TBCK: variants seen among roughly 807,000 people sequenced by gnomAD.
TBCK encodes TBC1 domain containing kinase, also known as TBC domain-containing protein kinase-like protein.
TBCK carries 99 observed loss-of-function variants against 113.4 expected under a neutral mutation model. That is an observed-to-expected ratio of 0.87 (90% CI 0.74 to 1.03). TBCK has a LOEUF of 1.03. TBCK is among the 50% of genes least tolerant of loss of function. The probability of loss-of-function intolerance (pLI) is 0.00; values close to 1 mark genes in which losing one functional copy is unlikely to be tolerated. For missense variants in TBCK, 1,045 were observed against 1,061.3 expected (o/e 0.98, Z 0.21); for synonymous variants, 369 against 370.8 (o/e 1.00, Z 0.05).
At chr4:106,275,417 T>G (rs1268002871) in intron 3 of TBCK, among the ~76,000 whole-genome samples, 12 of 152,000 alleles carry the variant, frequency 7.9e-5, no homozygotes, top group Admixed American at 7.9e-4. Context: ...GTAGTGGAGG[T>G]CCTATCTAGT....
At chr4:106,122,473 T>A (rs1744547314) in intron 23 of TBCK, among the ~76,000 whole-genome samples, 1 of 152,106 alleles carries the variant, frequency 6.6e-6, no homozygotes, top group Admixed American at 6.6e-5. Context: ...CCATTCCTTC[T>A]GAAACTATTC....
At chr4:106,276,713 A>G (rs913407909) in intron 3 of TBCK, among the ~76,000 whole-genome samples, 2 of 152,188 alleles carry the variant, frequency 1.3e-5, no homozygotes, top group African/African-American at 4.8e-5. Flanking sequence ...GCCAACCAAC[A>G]TGATGAAACC....
chr4:106,112,328 C>T (rs960970209), intron 24 of TBCK, among the ~76,000 whole-genome samples: 8 of 152,142 alleles, frequency 5.3e-5, no homozygotes, highest in African/African-American at 1.9e-4. Flanking sequence ...ATAGAGCATG[C>T]CCTTCCTGCT....
At chr4:106,246,064 G>A (rs1406277428) in intron 10 of TBCK, among the ~76,000 whole-genome samples, 3 of 152,162 alleles carry the variant, frequency 2.0e-5, no homozygotes, top group Admixed American at 1.3e-4. Flanking sequence ...AACACAAATT[G>A]TTCCTTCCCT....
chr4:106,277,830 T>G (rs1764180184), intron 3 of TBCK, among the ~76,000 whole-genome samples: 1 of 152,208 alleles, frequency 6.6e-6, no homozygotes. Flanking sequence ...AAAAAGTTTG[T>G]GTACTTCACC....
In TBCK at chr4:106,304,251, C is replaced by T. The variant is rs529718125; in HGVS notation, c.193+4517G>A. Among the ~76,000 whole-genome samples the T allele has an allele frequency of 2.5e-4, 38 of 152,204 alleles. No homozygotes were observed. The South Asian group carries it at 7.7e-3, about 31-fold the overall frequency. ...ATGAACCTCTTCATTCTTCAGTGTA[C>T]CTCCCTCACACAAAAAAAGGTGGGG... On this transcript the variant is annotated intron_variant, in intron 2 of 25. Transcript: ENST00000394708.
intron 23 of TBCK, among the ~76,000 whole-genome samples, chr4:106,158,162 T>G (rs540334255): frequency 1.3e-5 from 2 of 152,266 alleles, no homozygotes; most frequent in East Asian, 1.9e-4. Flanking sequence ...ATAAGAGTCT[T>G]GGTAAACATT....
Position 106,141,916 on chromosome 4 carries a change from A to G in TBCK, c.2236-25538T>C, listed in dbSNP as rs775987796. 2.1e-5 allele frequency among the ~76,000 whole-genome samples: 3 copies of G among 141,434 alleles called. 1 individual carries two copies. Among genetic ancestry groups the G allele is most frequent in the Non-Finnish European group, 4.8e-5 (3 of 62,278 alleles). 92.8% of individuals were successfully genotyped at this position (141,434 alleles called of 152,430 possible). Reference sequence around the variant, plus strand: ...AAACACAGCACCAAACACATGGTATAATTATAATCTTAACTCTTGGTACTA... The same window carrying G: ...AAACACAGCACCAAACACATGGTATGATTATAATCTTAACTCTTGGTACTA... On this transcript the variant is annotated intron_variant, in intron 23 of 25. Transcript: ENST00000394708.
chr4:106,259,697 A>C (rs1209996178), intron 5 of TBCK, among the ~76,000 whole-genome samples: 2 of 151,990 alleles, frequency 1.3e-5, no homozygotes, highest in African/African-American at 4.8e-5. Context: ...GGAGAAACTG[A>C]TGAAGGGTAG....
rs565003742 is a variant in TBCK, at chr4:106,088,867, G to A, written c.2571+6615C>T. The stretch of plus-strand genomic sequence containing the variant: ...ACCGCATGTTCTCGCTCACAAATGC[G>A]AGTTGAACATTGAGAACACATGGAC... On this transcript the variant is annotated intron_variant, in intron 25 of 25. Transcript: ENST00000394708. Among the ~76,000 whole-genome samples, 88 of 152,260 alleles carry A rather than the reference G, an allele frequency of 5.8e-4. 1 individual carries two copies. The highest frequency in any genetic ancestry group is 1.7e-3 in the African/African-American group (71 of 41,550).
chr4:106,233,139 A>T, intron 16 of TBCK, 75 bp from the exon 17 acceptor site: 1 of 1,322,668 alleles, frequency 7.6e-7, no homozygotes, highest in Non-Finnish European at 1.0e-6. Context: ...CTTGTTCATT[A>T]AATAAGGAAA....
chr4:106,133,997 T>C (rs190085888), intron 23 of TBCK, among the ~76,000 whole-genome samples: 3 of 150,356 alleles, frequency 2.0e-5, no homozygotes, highest in Non-Finnish European at 4.4e-5. Flanking sequence ...GCAACAAGAG[T>C]GAGATTCCGT....
chr4:106,188,299 G>A (rs1212952151), intron 22 of TBCK, among the ~76,000 whole-genome samples: 1 of 152,128 alleles, frequency 6.6e-6, no homozygotes. Context: ...TCTATCAGCA[G>A]TATATGTAGG....
chr4:106,222,180 T>C (rs570080762), intron 19 of TBCK, among the ~76,000 whole-genome samples: 1 of 152,066 alleles, frequency 6.6e-6, no homozygotes, highest in Non-Finnish European at 1.5e-5. Context: ...TAATATAAAT[T>C]TTCTTCATTT....
chr4:106,159,483 AC>A (rs1354773599), intron 23 of TBCK, among the ~76,000 whole-genome samples: 1 of 152,126 alleles, frequency 6.6e-6, no homozygotes, highest in African/African-American at 2.4e-5. Context: ...ATTTCTATAT[AC>A]TAACAATGAA....
chr4:106,226,811 A>G (rs1758298381), intron 19 of TBCK, among the ~76,000 whole-genome samples: 1 of 152,162 alleles, frequency 6.6e-6, no homozygotes, highest in African/African-American at 2.4e-5. Context: ...GAAAGAGTAC[A>G]CTATCAATTC....
chr4:106,192,640 A>G (rs565741950), intron 22 of TBCK, among the ~76,000 whole-genome samples: 1 of 152,258 alleles, frequency 6.6e-6, no homozygotes, highest in East Asian at 1.9e-4. Context: ...TTATTTTCCC[A>G]CAAATGATAA....
intron 1 of TBCK, among the ~76,000 whole-genome samples, chr4:106,312,468 GA>G: frequency 6.6e-6 from 1 of 152,216 alleles, no homozygotes; most frequent in African/African-American, 2.4e-5. Flanking sequence ...CAAGTGTTGA[GA>G]ATGTGGAAGT....
intron 23 of TBCK, among the ~76,000 whole-genome samples, chr4:106,139,268 T>C (rs1746911574): frequency 7.1e-6 from 1 of 141,484 alleles, no homozygotes; most frequent in Non-Finnish European, 1.6e-5. Flanking sequence ...CTCACTGCTG[T>C]GCCAAATACA....
Sources: gnomAD v4.1 joint callset for allele counts (sites outside exome capture counted in the v4.1 genomes callset) on GRCh38, gnomAD v4.1.1 for gene constraint, MANE v1.5 for transcripts, NCBI Gene and HGNC (gene_info 2026-07-23, HGNC 2026-07-21) for gene names.